Variants in ALLC observed in about 807,000 individuals in gnomAD.
ALLC encodes the protein allantoicase, also known as probable inactive allantoicase.
Under a neutral mutation model 45.0 loss-of-function variants are expected in ALLC, and 40 were observed. The observed-to-expected ratio is 0.89, with a 90% CI of 0.69 to 1.16. ALLC has a LOEUF of 1.16. Among genes scored for constraint, ALLC ranks in the 50% most tolerant of loss-of-function variants. ALLC has a pLI of 0.00. For synonymous variants in ALLC, 176 were observed against 178.1 expected (o/e 0.99, Z 0.09); for missense variants, 488 against 493.1 (o/e 0.99, Z 0.10).
chr2:3,686,294 G>T (rs1471224299), intron 7 of ALLC, among the ~76,000 whole-genome samples: 1 of 150,740 alleles, frequency 6.6e-6, no homozygotes, highest in Non-Finnish European at 1.5e-5. Flanking sequence ...TAAATGTGTT[G>T]ATTTATATCT....
intron 5 of ALLC, 109 bp from the exon 6 acceptor site, chr2:3,681,525 T>C: frequency 1.5e-6 from 1 of 669,252 alleles, no homozygotes; most frequent in Non-Finnish European, 2.5e-6. Flanking sequence ...CTTCGAAATA[T>C]CTTTAGTGTT....
upstream of ALLC, among the ~76,000 whole-genome samples, chr2:3,653,834 G>T (rs954539374): frequency 7.9e-5 from 12 of 152,192 alleles, no homozygotes; most frequent in Non-Finnish European, 5.9e-5. The surrounding 1 kb of genome is among the most constrained non-coding windows in gnomAD (Gnocchi z 4.1). Context: ...CCCCTGTGCT[G>T]CAGCCCTCAG....
intron 10 of ALLC, among the ~76,000 whole-genome samples, chr2:3,700,081 T>G (rs1475955499): frequency 1.3e-5 from 2 of 152,234 alleles, no homozygotes; most frequent in Non-Finnish European, 2.9e-5. Context: ...CCAGTTCCTA[T>G]GTCCAGAATG....
intron 7 of ALLC, among the ~76,000 whole-genome samples, chr2:3,685,571 A>C (rs1196330620): frequency 6.6e-6 from 1 of 150,842 alleles, no homozygotes; most frequent in Non-Finnish European, 1.5e-5. Context: ...AAACCACCCC[A>C]TCATCCAATC....
intron 8 of ALLC, 66 bp downstream of exon 8, chr2:3,695,938 A>G: frequency 2.0e-6 from 3 of 1,463,684 alleles, no homozygotes; most frequent in Non-Finnish European, 2.8e-6. Context: ...ATACCCCAAT[A>G]TGGTCAGAGT....
At chr2:3,701,453 T>C (rs1667829273) in intron 10 of ALLC, 59 bp from the exon 11 acceptor site, 1 of 1,512,046 alleles carries the variant, frequency 6.6e-7, no homozygotes, top group East Asian at 2.4e-5. Context: ...CATGATATCC[T>C]ATACGCCAAA....
chr2:3,645,869 G>A, the ALLC span, among the ~76,000 whole-genome samples: 5 of 152,114 alleles, frequency 3.3e-5, no homozygotes, highest in African/African-American at 4.8e-5. This position sits in a 1 kb window ranked among gnomAD's most constrained non-coding sequence, Gnocchi z 4.3. Context: ...TGGTGTTGTG[G>A]GGCGAGAGGG....
intron 10 of ALLC, among the ~76,000 whole-genome samples, chr2:3,698,208 G>A (rs966692226): frequency 1.3e-5 from 2 of 152,030 alleles, no homozygotes; most frequent in East Asian, 1.9e-4. Context: ...CAGGTGATAC[G>A]CCCGTCTCGG....
chr2:3,695,596 C>T (rs1262985152), intron 7 of ALLC, 121 bp from the exon 8 acceptor site: 4 of 1,058,522 alleles, frequency 3.8e-6, no homozygotes, highest in Non-Finnish European at 5.6e-6. Flanking sequence ...TGAGAAACAG[C>T]AGGTGGGTGT....
At position 3,702,381 on chromosome 2, in the gene ALLC, C is replaced by A; in HGVS notation, c.994C>A (p.His332Asn). The change falls in exon 12 of 12, where the codon CAT (histidine) becomes AAT (asparagine). Residue 332 changes from histidine (H) to asparagine (N), a missense_variant. By Grantham distance (68) the His-to-Asn change is moderately conservative (BLOSUM62 1). Coordinates refer to ENST00000252505, the MANE Select transcript of ALLC (RefSeq NM_018436.4). ...PVTKLSPNQS[H>N]LFDSLTLELQ... ...TTTTCAGTTGTCTCCCAACCAAAGT[C>A]ATCTGTTCGATAGCCTGACCCTAGA... 1 of 1,613,154 alleles carries A rather than the reference C, an allele frequency of 6.2e-7. No homozygotes were observed. Among genetic ancestry groups the A allele is most frequent in the Non-Finnish European group, 8.5e-7 (1 of 1,179,782 alleles).
chr2:3,693,458 C>A (rs901108490), intron 7 of ALLC, among the ~76,000 whole-genome samples: 1 of 152,188 alleles, frequency 6.6e-6, no homozygotes, highest in Non-Finnish European at 1.5e-5. Flanking sequence ...AGACCTTTTC[C>A]CCACTTGTTA....
At chr2:3,646,335 A>G in the ALLC span, among the ~76,000 whole-genome samples, 1 of 152,224 alleles carries the variant, frequency 6.6e-6, no homozygotes, top group Admixed American at 6.5e-5. Context: ...GCTGTAAGTA[A>G]CAAAGTCCTT....
chr2:3,653,432 G>A (rs12711953), upstream of ALLC, among the ~76,000 whole-genome samples: 8,607 of 152,326 alleles, frequency 0.057, 347 homozygotes, highest in East Asian at 0.21. The surrounding 1 kb of genome is among the most constrained non-coding windows in gnomAD (Gnocchi z 4.1). Context: ...TGACCGGCAA[G>A]GACTGGGCAT....
chr2:3,651,238 GGGA>G, the ALLC span, among the ~76,000 whole-genome samples: 1 of 150,570 alleles, frequency 6.6e-6, no homozygotes, highest in Non-Finnish European at 1.5e-5. Context: ...CACAGGCGCG[GGGA>G]GGTTTGCAGA....
intron 3 of ALLC, among the ~76,000 whole-genome samples, chr2:3,677,431 T>C (rs1037008614): frequency 3.3e-5 from 5 of 152,222 alleles, no homozygotes; most frequent in African/African-American, 1.2e-4. Flanking sequence ...TAAGATGTGA[T>C]TTGATTGTAA....
chr2:3,651,408 T>A, the ALLC span, among the ~76,000 whole-genome samples: 10 of 44,672 alleles, frequency 2.2e-4, no homozygotes, highest in Non-Finnish European at 3.1e-4. Context: ...TGTGTGTGTG[T>A]GTGTGTGTGT....
chr2:3,697,659 C>T (rs186788975), intron 10 of ALLC, among the ~76,000 whole-genome samples: 1 of 150,438 alleles, frequency 6.6e-6, no homozygotes, highest in African/African-American at 2.5e-5. Flanking sequence ...ATCTATCTAT[C>T]TATCTATCTT....
rs879109117 is a variant in ALLC at position 3,674,070 on chromosome 2, T to C, written c.34-5T>C. ...TTATCTTTCTTTCTTTCTTTCTTTG[T>C]CTAGATTTTATTTGCAACAGATGAC... On this transcript the variant is annotated splice_region_variant and splice_polypyrimidine_tract_variant and intron_variant, in intron 2 of 11. Transcript: ENST00000252505. 5 of 1,544,214 alleles carry C rather than the reference T, an allele frequency of 3.2e-6. No individual in the cohort carries two copies. Among genetic ancestry groups the C allele is most frequent in the South Asian group, 2.4e-5 (2 of 83,882 alleles).
the ALLC span, among the ~76,000 whole-genome samples, chr2:3,652,144 G>A: frequency 1.3e-5 from 2 of 152,256 alleles, no homozygotes; most frequent in Non-Finnish European, 2.9e-5. Flanking sequence ...CGTGTGGAAG[G>A]GAACAAAGCC....
Sources: allele counts gnomAD v4.1 joint callset (sites outside exome capture counted in the v4.1 genomes callset), GRCh38; gene constraint gnomAD v4.1.1; non-coding constraint Gnocchi (gnomAD v3.1); transcripts MANE v1.5; gene names NCBI Gene and HGNC (gene_info 2026-07-23, HGNC 2026-07-21).